The following GPHN variants were observed in gnomAD, a reference collection of about 807,000 sequenced individuals.
GPHN encodes gephyrin.
A neutral mutation model predicts 95.5 loss-of-function variants in GPHN; 17 were observed. The observed-to-expected ratio is 0.18, with a 90% CI of 0.12 to 0.27. The LOEUF (loss-of-function observed/expected upper bound fraction) is 0.27, where lower values mean the gene tolerates loss of function less well. Ranked by LOEUF, GPHN falls within the 10% of genes least tolerant of loss-of-function variation. The pLI is 1.00. For missense variants in GPHN, 660 were observed against 978.1 expected, an observed-to-expected ratio of 0.67 and a Z score of 4.34; for synonymous variants, 320 against 322.5, an observed-to-expected ratio of 0.99 and a Z score of 0.08.
At chr14:67,140,210 C>A (rs945590544) in intron 17 of GPHN, among the ~76,000 whole-genome samples, 1 of 151,968 alleles carries the variant, frequency 6.6e-6, no homozygotes, top group Non-Finnish European at 1.5e-5. Flanking sequence ...ATGGTGAAAC[C>A]CTGTCTCTAC....
chr14:66,847,010 A>G (rs537988153), intron 4 of GPHN, among the ~76,000 whole-genome samples: 1 of 152,276 alleles, frequency 6.6e-6, no homozygotes, highest in East Asian at 1.9e-4. Flanking sequence ...TTATTTCTGA[A>G]CTATAAATTT....
chr14:66,600,185 G>A lies in GPHN; in HGVS notation c.65-80922G>A, dbSNP rs1470349016. On this transcript the variant is annotated intron_variant, in intron 1 of 22. Coordinates refer to ENST00000478722, the MANE Select transcript of GPHN (RefSeq NM_020806.5). ...TCTGTGCAGTTTTGTGAAGTTTTGGGGCCAATGTTATATATCTGTTATATA... is the reference window on the plus strand; with the variant it reads ...TCTGTGCAGTTTTGTGAAGTTTTGGAGCCAATGTTATATATCTGTTATATA... 2.0e-5 allele frequency among the ~76,000 whole-genome samples: 3 copies of A among 151,790 alleles called. No individual in the cohort carries two copies. In the East Asian group the frequency reaches 5.8e-4, roughly 29 times the overall value.
At chr14:67,284,595 G>A in the GPHN span, among the ~76,000 whole-genome samples, 2 of 113,792 alleles carry the variant, frequency 1.8e-5, no homozygotes, top group East Asian at 4.7e-4. Context: ...AAAAGGTTGT[G>A]CAATCATCAC....
intron 10 of GPHN, among the ~76,000 whole-genome samples, chr14:67,054,260 G>A (rs762026279): frequency 4.6e-5 from 7 of 150,898 alleles, no homozygotes; most frequent in Non-Finnish European, 8.9e-5. Flanking sequence ...CTTCAGCAAA[G>A]TACAAAATCA....
chr14:67,622,331 G>A, the GPHN span, among the ~76,000 whole-genome samples: 48 of 152,300 alleles, frequency 3.2e-4, no homozygotes, highest in African/African-American at 9.4e-4. Context: ...TCCATTCCAA[G>A]TGAAGTCATC....
chr14:66,995,086 C>A (rs974007065), intron 9 of GPHN, among the ~76,000 whole-genome samples: 1 of 152,054 alleles, frequency 6.6e-6, no homozygotes, highest in African/African-American at 2.4e-5. Context: ...CCCACCGTAC[C>A]TTTGTGTTTT....
intron 9 of GPHN, among the ~76,000 whole-genome samples, chr14:66,980,702 A>G (rs1385966555): frequency 2.6e-5 from 4 of 152,186 alleles, no homozygotes; most frequent in Admixed American, 2.6e-4. Flanking sequence ...GTAATAAAAT[A>G]TAAATAAATA....
chr14:67,031,796 GTCTTATTTC>G (rs2074209376), intron 10 of GPHN, among the ~76,000 whole-genome samples: 1 of 151,186 alleles, frequency 6.6e-6, no homozygotes, highest in Non-Finnish European at 1.5e-5. Flanking sequence ...TTTAAATTTT[GTCTTATTTC>G]TCTTATTTTT....
At chr14:67,067,768 GGAGA>G (rs1447577848) in intron 11 of GPHN, among the ~76,000 whole-genome samples, 1 of 152,226 alleles carries the variant, frequency 6.6e-6, no homozygotes, top group Non-Finnish European at 1.5e-5. Context: ...GCCAGGCATG[GGAGA>G]GAATCTCCTG....
the GPHN span, chr14:67,278,955 C>CTG: frequency 7.2e-6 from 3 of 418,286 alleles, no homozygotes; most frequent in African/African-American, 4.1e-5. Flanking sequence ...GAAGTGGGCT[C>CTG]TGTAAAAACC....
chr14:66,784,479 A>G (rs898224914), intron 3 of GPHN, among the ~76,000 whole-genome samples: 10 of 152,196 alleles, frequency 6.6e-5, no homozygotes, highest in African/African-American at 2.2e-4. Flanking sequence ...AAACAGCAGA[A>G]TGGGTCAATA....
At chr14:67,465,311 G>C in the GPHN span, among the ~76,000 whole-genome samples, 1 of 129,314 alleles carries the variant, frequency 7.7e-6, no homozygotes, top group Non-Finnish European at 1.9e-5. Flanking sequence ...CATAGGGGCC[G>C]AAGGCCCAGA....
intron 5 of GPHN, among the ~76,000 whole-genome samples, chr14:66,891,764 T>A (rs7147943): frequency 0.26 from 35,753 of 139,468 alleles, 8,377 homozygotes; most frequent in African/African-American, 0.58. Context: ...ATATATATAT[T>A]TTTTTTAATT....
the GPHN span, chr14:67,397,586 A>G: frequency 1.6e-6 from 2 of 1,287,018 alleles, no homozygotes; most frequent in Non-Finnish European, 2.2e-6. Context: ...TCCTACCCAC[A>G]CCACTTTCCC....
intron 8 of GPHN, among the ~76,000 whole-genome samples, chr14:66,928,989 A>G (rs1258532109): frequency 6.6e-6 from 1 of 151,398 alleles, no homozygotes; most frequent in Non-Finnish European, 1.5e-5. Flanking sequence ...CAGCCATTGG[A>G]TGAAATATTC....
chr14:66,675,620 A>G (rs1028289784), intron 1 of GPHN, among the ~76,000 whole-genome samples: 9 of 152,028 alleles, frequency 5.9e-5, no homozygotes, highest in African/African-American at 1.4e-4. Context: ...TTAGTTTGGT[A>G]TAGTTCCGTT....
intron 1 of GPHN, among the ~76,000 whole-genome samples, chr14:66,528,352 G>A (rs567436863): frequency 3.3e-5 from 5 of 152,172 alleles, no homozygotes; most frequent in African/African-American, 1.2e-4. Context: ...TAGCCTATGT[G>A]TGTCTTTGCA....
chr14:67,221,893 A>G, the GPHN span: 116,293 of 1,531,814 alleles, frequency 0.076, 13,783 homozygotes, highest in East Asian at 0.42. Flanking sequence ...AGTGTGGCTA[A>G]GAGCAAAGGA....
chr14:67,656,535 G>A, the GPHN span: 35 of 1,613,580 alleles, frequency 2.2e-5, no homozygotes, highest in African/African-American at 8.0e-5. Context: ...TGGGTGGCCC[G>A]GTTCAGGCTT....
Sources: gnomAD v4.1 joint callset for allele counts (sites outside exome capture counted in the v4.1 genomes callset) on GRCh38, gnomAD v4.1.1 for gene constraint, MANE v1.5 for transcripts, NCBI Gene and HGNC (gene_info 2026-07-23, HGNC 2026-07-21) for gene names.